The following ZNF485 variants were observed in gnomAD, a reference collection of about 807,000 sequenced individuals.
ZNF485 encodes the protein Zinc finger protein 93 (Zinc finger protein HTF34).
In ZNF485, 9 loss-of-function variants were observed where a neutral mutation model predicts 10.8. The observed-to-expected ratio is 0.83, with a 90% confidence interval of 0.50 to 1.45. The LOEUF (loss-of-function observed/expected upper bound fraction) is 1.45. Ranked by LOEUF, ZNF485 falls within the 40% of genes most tolerant of loss-of-function variation. The pLI, the probability that ZNF485 is intolerant of heterozygous loss-of-function variation, is 0.00. For missense variants in ZNF485, 487 were observed against 528.0 expected (o/e 0.92, Z 0.76); for synonymous variants, 187 against 181.0 (o/e 1.03, Z -0.27).
Position 43,617,357 on chromosome 10 carries a change from G to T in ZNF485, c.1314G>T (p.Met438Ile). 6.4e-7 allele frequency: 1 copy of T among 1,551,146 alleles called. No individual in the cohort carries two copies. The highest frequency in any genetic ancestry group is 1.3e-5 in the South Asian group (1 of 78,988). The part of the protein sequence containing the change: ...HKKIHNKERA[M>I]KCS ...AAATTCATAATAAAGAAAGAGCCAT[G>T]AAATGTAGTTAGTGTGGCAAATTGT... The change falls in exon 5 of 5, where the codon ATG becomes ATT. Residue 438 changes from methionine to isoleucine, a missense_variant. Transcript: ENST00000361807.
chr10:43,613,204 T>C (rs1292095051), intron 4 of ZNF485, among the ~76,000 whole-genome samples: 1 of 152,212 alleles, frequency 6.6e-6, no homozygotes, highest in Non-Finnish European at 1.5e-5. Context: ...AAAACTTAGG[T>C]TAAAAAATAG....
In ZNF485 at chr10:43,617,354, C is replaced by T. The variant is rs1838885870; in HGVS notation, c.1311C>T (p.Ala437=). ...QHKKIHNKER[A]MKCS ...AGAAAATTCATAATAAAGAAAGAGC[C>T]ATGAAATGTAGTTAGTGTGGCAAAT... Residue 437 remains alanine (A), a synonymous_variant, in exon 5 of 5, where the codon GCC becomes GCT. Coordinates refer to ENST00000361807, the MANE Select transcript of ZNF485 (RefSeq NM_145312.4). 1 of 1,552,964 alleles carries T rather than the reference C, an allele frequency of 6.4e-7. No homozygotes were observed. Among genetic ancestry groups the T allele is most frequent in the Non-Finnish European group, 8.7e-7 (1 of 1,154,842 alleles).
chr10:43,607,032 A>T lies in ZNF485; in HGVS notation c.-19A>T. 6.4e-7 allele frequency: 1 copy of T among 1,551,798 alleles called. No homozygotes were observed. Among genetic ancestry groups the T allele is most frequent in the South Asian group, 1.2e-5 (1 of 84,066 alleles). On this transcript the variant is annotated 5_prime_UTR_variant, in exon 2 of 5. Transcript: ENST00000361807. ...GCAGGATTCTCAGCCCTTGCCTGGG[A>T]GAACAGTTCAGGAGACAGATGGCCC...
chr10:43,609,395 C>A, intron 4 of ZNF485, 45 bp downstream of exon 4: 1 of 1,500,708 alleles, frequency 6.7e-7, no homozygotes, highest in Non-Finnish European at 9.3e-7. Flanking sequence ...GCACACGGAG[C>A]AGTACGGGGG....
In ZNF485 at chr10:43,609,343, A is replaced by C. The variant is rs755048172; in HGVS notation, c.240A>C (p.Thr80=). 4 of 1,613,464 alleles carry C rather than the reference A, an allele frequency of 2.5e-6. No individual in the cohort carries two copies. The African/African-American group carries it at 5.3e-5, about 22-fold the overall frequency. The change falls in exon 4 of 5, where the codon ACA becomes ACC. Residue 80 remains threonine, a synonymous_variant. Transcript: ENST00000361807. ...WTEVREAPSG[T]HAVEDYWFET... Reference sequence around the variant, plus strand: ...AGGTGCGAGAGGCTCCATCAGGCACACATGCAGGTGAGTGGGTGGGGAACA... The same window carrying C: ...AGGTGCGAGAGGCTCCATCAGGCACCCATGCAGGTGAGTGGGTGGGGAACA...
chr10:43,608,807 A>G lies in ZNF485; in HGVS notation c.151+67A>G, dbSNP rs1404642896. On this transcript the variant is annotated intron_variant, in intron 3 of 4. Transcript: ENST00000361807. ...GCAACTTTGTGTTTTCACAGGGTGA[A>G]TGGTTTGGGGTATTGAAAAAATCTT... The G allele has an allele frequency of 2.5e-6, 4 of 1,584,514 alleles. No homozygotes were observed. The African/African-American group carries it at 4.1e-5, about 16-fold the overall frequency.
intron 4 of ZNF485, among the ~76,000 whole-genome samples, chr10:43,609,895 C>T (rs573119648): frequency 2.4e-4 from 37 of 151,986 alleles, no homozygotes; most frequent in South Asian, 6.2e-4. Flanking sequence ...ATATTAGTCA[C>T]GGCTGGTCTC....
chr10:43,612,498 A>AG lies in ZNF485; in HGVS notation c.247+3152dup, dbSNP rs1838785203. ...GCTTATTTATTGTGATGTGGAGCAG[A>AG]GGGGAGGAATTGGGGGTACTTTTTT... On this transcript the variant is annotated intron_variant, in intron 4 of 4. Coordinates refer to ENST00000361807, the MANE Select transcript of ZNF485 (RefSeq NM_145312.4). Among the ~76,000 whole-genome samples the AG allele has an allele frequency of 3.3e-5, 5 of 152,268 alleles. No homozygotes were observed. In the South Asian group the frequency reaches 1.0e-3, roughly 32 times the overall value.
At chr10:43,610,243 A>G (rs144515903) in intron 4 of ZNF485, among the ~76,000 whole-genome samples, 71 of 151,990 alleles carry the variant, frequency 4.7e-4, no homozygotes, top group African/African-American at 1.3e-3. Flanking sequence ...ATGTTTTTGT[A>G]TGTCACTTTC....
At position 43,617,711 on chromosome 10, in the gene ZNF485, G is replaced by A. The variant is rs557197089; in HGVS notation, c.*342G>A. 2.0e-4 allele frequency: 38 copies of A among 189,722 alleles called. No individual in the cohort carries two copies. The highest frequency in any genetic ancestry group is 8.6e-4 in the African/African-American group (37 of 42,932). The allele number at this position is 189,722 out of a possible 1,614,324, so 11.8% of individuals were successfully genotyped here. On this transcript the variant is annotated 3_prime_UTR_variant, in exon 5 of 5. Transcript: ENST00000361807. ...TTTGAGTCTGTAATGCACTATGATT[G>A]TGCATGTGAATAGCCACTGCACTCC... is the stretch of plus-strand genomic sequence containing the variant.
intron 4 of ZNF485, among the ~76,000 whole-genome samples, chr10:43,612,924 C>T (rs1402722275): frequency 6.6e-6 from 1 of 152,030 alleles, no homozygotes; most frequent in Non-Finnish European, 1.5e-5. Flanking sequence ...TTCTTTCTTA[C>T]TGATGTAATA....
Position 43,608,691 on chromosome 10 carries a change from C to A in ZNF485, c.102C>A (p.Ala34=). 1 of 1,613,972 alleles carries A rather than the reference C, an allele frequency of 6.2e-7. No homozygotes were observed. Residue 34 remains alanine, a synonymous_variant, in exon 3 of 5, where the codon GCC becomes GCA. Coordinates refer to ENST00000361807, the MANE Select transcript of ZNF485 (RefSeq NM_145312.4). ...EWRHLDAAQR[A]LYRDVMLENY... ...GACACCTGGATGCTGCTCAGCGGGC[C>A]CTGTACAGGGATGTGATGCTGGAGA...
At chr10:43,607,272 G>GC in intron 2 of ZNF485, 198 bp downstream of exon 2, 2 of 659,408 alleles carry the variant, frequency 3.0e-6, no homozygotes, top group Non-Finnish European at 5.3e-6. Context: ...ATGTTTTCTA[G>GC]AGTGCTAGAA....
chr10:43,609,514 C>T (rs1033830666), intron 4 of ZNF485, among the ~76,000 whole-genome samples, 164 bp downstream of exon 4: 2 of 152,184 alleles, frequency 1.3e-5, no homozygotes, highest in Non-Finnish European at 2.9e-5. Flanking sequence ...TCTCCCCAGT[C>T]TTTCTGCACT....
At chr10:43,615,983 C>T (rs1838849570) in intron 4 of ZNF485, among the ~76,000 whole-genome samples, 1 of 152,138 alleles carries the variant, frequency 6.6e-6, no homozygotes, top group Admixed American at 6.5e-5. Context: ...TTTATTCTCA[C>T]ATTGTCTTTT....
At chr10:43,613,678 T>C (rs187039144) in intron 4 of ZNF485, among the ~76,000 whole-genome samples, 3 of 152,350 alleles carry the variant, frequency 2.0e-5, no homozygotes, top group African/African-American at 7.2e-5. Flanking sequence ...ATACTTTATT[T>C]TTTGGTTCCT....
intron 2 of ZNF485, chr10:43,607,453 A>G: frequency 3.8e-6 from 1 of 261,192 alleles, no homozygotes; most frequent in East Asian, 7.3e-5. Context: ...AGAATAAATG[A>G]GATTTGCATA....
chr10:43,608,370 G>A (rs1441970202), intron 2 of ZNF485, among the ~76,000 whole-genome samples: 1 of 152,168 alleles, frequency 6.6e-6, no homozygotes, highest in African/African-American at 2.4e-5. Flanking sequence ...AGACCTTTTT[G>A]ATGAGGTGAC....
At chr10:43,606,782 C>G (rs1838655580) in intron 1 of ZNF485, among the ~76,000 whole-genome samples, 1 of 152,322 alleles carries the variant, frequency 6.6e-6, no homozygotes. Flanking sequence ...ACAAGGCCGT[C>G]CCCCGGTGCT....
Sources: allele counts gnomAD v4.1 joint callset (sites outside exome capture counted in the v4.1 genomes callset), GRCh38; gene constraint gnomAD v4.1.1; transcripts MANE v1.5; gene names NCBI Gene and HGNC (gene_info 2026-07-23, HGNC 2026-07-21).